TULP4: variants seen among roughly 807,000 people sequenced by gnomAD.
The protein encoded by TULP4 is tubby-related protein 4.
Under a neutral mutation model 129.0 loss-of-function variants are expected in TULP4, and 16 were observed. That is an observed-to-expected ratio of 0.12 (90% CI 0.08 to 0.19). The LOEUF (loss-of-function observed/expected upper bound fraction) is 0.19. Among genes scored for constraint, TULP4 ranks in the 10% least tolerant of loss-of-function variants. TULP4 has a pLI of 1.00. For synonymous variants in TULP4, 998 were observed against 854.0 expected, an observed-to-expected ratio of 1.17 and a Z score of -2.94; for missense variants, 1,842 against 2,059.1, an observed-to-expected ratio of 0.89 and a Z score of 2.04.
intron 1 of TULP4, among the ~76,000 whole-genome samples, chr6:158,380,496 A>G (rs1777295863): frequency 6.6e-6 from 1 of 152,180 alleles, no homozygotes; most frequent in Non-Finnish European, 1.5e-5. Context: ...CAATGTGGTA[A>G]AGGTTATTTG....
chr6:158,352,373 T>G (rs1451148455), intron 1 of TULP4, among the ~76,000 whole-genome samples: 3 of 152,226 alleles, frequency 2.0e-5, no homozygotes, highest in Non-Finnish European at 2.9e-5. Flanking sequence ...ATTTTAAATA[T>G]TATCCATTTG....
At chr6:158,333,631 A>ATTG (rs71030153) in intron 1 of TULP4, among the ~76,000 whole-genome samples, 130,829 of 151,972 alleles carry the variant, frequency 0.86, 56,748 homozygotes, top group South Asian at 0.93. Context: ...TTATTCTCAG[A>ATTG]TTTTCAATAA....
chr6:158,264,484 C>T (rs967166926), intron 1 of TULP4, among the ~76,000 whole-genome samples: 1 of 152,006 alleles, frequency 6.6e-6, no homozygotes, highest in Non-Finnish European at 1.5e-5. Flanking sequence ...AGCCATTTTC[C>T]CTCTCCAGAA....
At chr6:158,362,201 G>A (rs1413070245) in intron 1 of TULP4, among the ~76,000 whole-genome samples, 1 of 152,180 alleles carries the variant, frequency 6.6e-6, no homozygotes, top group Non-Finnish European at 1.5e-5. Flanking sequence ...TCTGACCACA[G>A]ACTATCTTCC....
At chr6:158,346,883 G>A (rs1780326329) in intron 1 of TULP4, among the ~76,000 whole-genome samples, 1 of 152,038 alleles carries the variant, frequency 6.6e-6, no homozygotes, top group Admixed American at 6.6e-5. Flanking sequence ...AAGTTAATAT[G>A]TGTGTGCATC....
chr6:158,369,937 C>T (rs950236379), intron 1 of TULP4, among the ~76,000 whole-genome samples: 2 of 152,234 alleles, frequency 1.3e-5, no homozygotes, highest in Admixed American at 1.3e-4. Context: ...CCTATAATTC[C>T]AGCACTTCAG....
At chr6:158,325,133 C>T (rs564848016) in intron 1 of TULP4, among the ~76,000 whole-genome samples, 1 of 152,288 alleles carries the variant, frequency 6.6e-6, no homozygotes, top group East Asian at 1.9e-4. Flanking sequence ...GTCAAAAAAT[C>T]AAATGTGAGT....
At position 158,507,818 on chromosome 6, in the gene TULP4, GCTTT is replaced by G. The variant is rs1780639856; in HGVS notation, c.*1127_*1130del. The G allele has an allele frequency of 6.6e-6, 1 of 152,098 alleles. No homozygotes were observed. Among genetic ancestry groups the G allele is most frequent in the Non-Finnish European group, 1.5e-5 (1 of 68,022 alleles). 9.4% of individuals were successfully genotyped at this position (152,098 alleles called of 1,614,324 possible). The stretch of plus-strand genomic sequence containing the variant: ...CATTAAAATTCAGTTGACTACAAAT[GCTTT>G]CTATCAAATTAGAAATGTAACCAAA... On this transcript the variant is annotated 3_prime_UTR_variant, in exon 14 of 14. Transcript: ENST00000367097.
At chr6:158,245,061 T>G (rs891652666) in intron 1 of TULP4, among the ~76,000 whole-genome samples, 1 of 152,036 alleles carries the variant, frequency 6.6e-6, no homozygotes, top group Non-Finnish European at 1.5e-5. Context: ...GCGATCATGC[T>G]TACTGCAGCC....
intron 5 of TULP4, among the ~76,000 whole-genome samples, chr6:158,456,208 T>C (rs1431423554): frequency 1.3e-5 from 2 of 152,154 alleles, no homozygotes; most frequent in African/African-American, 4.8e-5. Flanking sequence ...TCGACAACTT[T>C]TATTCTCTTC....
At chr6:158,359,054 A>G (rs1368793161) in intron 1 of TULP4, among the ~76,000 whole-genome samples, 1 of 152,140 alleles carries the variant, frequency 6.6e-6, no homozygotes, top group Non-Finnish European at 1.5e-5. Flanking sequence ...GTTCTTTTAT[A>G]TTGAATAAGG....
Position 158,422,553 on chromosome 6 carries a change from G to A in TULP4, c.382-7183G>A, listed in dbSNP as rs190563838. Among the ~76,000 whole-genome samples the A allele has an allele frequency of 2.5e-4, 38 of 152,310 alleles. No homozygotes were observed. The East Asian group carries it at 6.9e-3, about 28-fold the overall frequency. On this transcript the variant is annotated intron_variant, in intron 2 of 13. Transcript: ENST00000367097. ...CAGTTTAGACAAAACACGGACACATGTGGAGCGGTTTTAAGGAGCGGAGAG... is the reference window on the plus strand; with the variant it reads ...CAGTTTAGACAAAACACGGACACATATGGAGCGGTTTTAAGGAGCGGAGAG...
At chr6:158,290,260 T>A (rs935480071) in intron 1 of TULP4, among the ~76,000 whole-genome samples, 1 of 152,210 alleles carries the variant, frequency 6.6e-6, no homozygotes, top group Non-Finnish European at 1.5e-5. Flanking sequence ...TGGTTTTGAT[T>A]TGCATTTCCC....
intron 1 of TULP4, among the ~76,000 whole-genome samples, chr6:158,392,985 TAAAAA>T (rs57349259): frequency 2.2e-5 from 3 of 138,494 alleles, no homozygotes; most frequent in Non-Finnish European, 4.6e-5. Flanking sequence ...TGTCTGTATT[TAAAAA>T]AAAAAAAAAA....
At chr6:158,470,269 C>T (rs369954145) in intron 6 of TULP4, among the ~76,000 whole-genome samples, 69 of 152,272 alleles carry the variant, frequency 4.5e-4, no homozygotes, top group African/African-American at 1.5e-3. Context: ...TGGTGGACAG[C>T]GAGCGAAAGC....
At position 158,503,254 on chromosome 6, in the gene TULP4, C is replaced by T. The variant is rs747972161; in HGVS notation, c.3591C>T (p.Asn1197=). Residue 1197 remains asparagine (N), a synonymous_variant, in exon 13 of 14, where the codon AAC becomes AAT. Transcript: ENST00000367097. The surrounding 1 kb of genome is among the most constrained non-coding windows in gnomAD (Gnocchi z 4.3). ...MGVPYPGSYN[N]PPLPGVQAPC... ...TGCCATATCCAGGAAGCTATAACAACCCCCCTTTGCCTGGAGTGCAGGCTC... is the reference window on the plus strand; with the variant it reads ...TGCCATATCCAGGAAGCTATAACAATCCCCCTTTGCCTGGAGTGCAGGCTC... The T allele has an allele frequency of 8.7e-6, 14 of 1,614,006 alleles. No homozygotes were observed. Among genetic ancestry groups the T allele is most frequent in the Non-Finnish European group, 1.2e-5 (14 of 1,179,998 alleles).
At chr6:158,291,838 T>C (rs1324288700) in intron 1 of TULP4, among the ~76,000 whole-genome samples, 1 of 152,254 alleles carries the variant, frequency 6.6e-6, no homozygotes, top group African/African-American at 2.4e-5. Flanking sequence ...ATTGAAGGAA[T>C]AGGTTTTTCA....
intron 1 of TULP4, among the ~76,000 whole-genome samples, chr6:158,394,533 C>T (rs1454692107): frequency 1.3e-5 from 2 of 151,960 alleles, no homozygotes; most frequent in African/African-American, 4.8e-5. Context: ...CCTGTAATCC[C>T]AGCACTTTGG....
chr6:158,369,673 C>G (rs768668383), intron 1 of TULP4, among the ~76,000 whole-genome samples: 1 of 152,098 alleles, frequency 6.6e-6, no homozygotes, highest in African/African-American at 2.4e-5. Context: ...AAGCAAGGTA[C>G]AGAACAGACA....
Sources: gnomAD v4.1 joint callset for allele counts (sites outside exome capture counted in the v4.1 genomes callset) on GRCh38, gnomAD v4.1.1 for gene constraint, Gnocchi (gnomAD v3.1) non-coding constraint, MANE v1.5 for transcripts, NCBI Gene and HGNC (gene_info 2026-07-23, HGNC 2026-07-21) for gene names.